PRRT3: variants seen among roughly 807,000 people sequenced by gnomAD.
PRRT3 encodes the protein proline-rich transmembrane protein 3.
Under a neutral mutation model 56.6 loss-of-function variants are expected in PRRT3, and 48 were observed. The observed-to-expected ratio is 0.85, with a 90% CI of 0.67 to 1.08. PRRT3 has a LOEUF of 1.08. Among genes scored for constraint, PRRT3 ranks in the 50% least tolerant of loss-of-function variants. The probability of loss-of-function intolerance (pLI) is 0.00; values close to 1 mark genes in which losing one functional copy is unlikely to be tolerated. For synonymous variants in PRRT3, 641 were observed against 619.1 expected, an observed-to-expected ratio of 1.04 and a Z score of -0.52; for missense variants, 1,370 against 1,353.1, an observed-to-expected ratio of 1.01 and a Z score of -0.20.
intron 3 of PRRT3, chr3:9,948,496 T>G: frequency 5.9e-6 from 3 of 509,536 alleles, no homozygotes; most frequent in East Asian, 6.6e-5. Flanking sequence ...CCAACTAATT[T>G]TTATATATTT....
Position 9,947,178 on chromosome 3 carries a change from T to C in PRRT3, c.1995A>G (p.Pro665=). 6.5e-7 allele frequency: 1 copy of C among 1,531,734 alleles called. No individual in the cohort carries two copies. Among genetic ancestry groups the C allele is most frequent in the Non-Finnish European group, 8.7e-7 (1 of 1,145,088 alleles). The allele number at this position is 1,531,734 out of a possible 1,614,324, so 94.9% of individuals were successfully genotyped here. ...LAAALWLYPG[P]GRVGRFSWAW... is the part of the protein sequence containing the mutation. ...CCCACGAGAAGCGGCCCACGCGGCC[T>C]GGGCCCGGGTACAGCCAGAGCGCAG... Residue 665 remains proline, a synonymous_variant, in exon 4 of 4, where the codon CCA becomes CCG. Coordinates refer to ENST00000412055, the MANE Select transcript of PRRT3 (RefSeq NM_207351.5). The surrounding 1 kb of genome is among the most constrained non-coding windows in gnomAD (Gnocchi z 9.2).
rs1475834917 is a variant in PRRT3 at position 9,947,191 on chromosome 3, A to G, written c.1982T>C (p.Leu661Pro). Residue 661 changes from leucine (L) to proline (P), a missense_variant, in exon 4 of 4, where the codon CTG (leucine) becomes CCG (proline). Transcript: ENST00000412055. The surrounding 1 kb of genome is among the most constrained non-coding windows in gnomAD (Gnocchi z 9.2). ...GCCCACGCGGCCTGGGCCCGGGTAC[A>G]GCCAGAGCGCAGCCGCCAGCTGCAA... Reference protein sequence around the residue: ...SGLQLAAALWLYPGPGRVGRF... With the variant: ...SGLQLAAALWPYPGPGRVGRF... 1 of 1,528,198 alleles carries G rather than the reference A, an allele frequency of 6.5e-7. No homozygotes were observed. 94.7% of individuals were successfully genotyped at this position (1,528,198 alleles called of 1,614,324 possible). A position where few individuals can be genotyped will look rare whatever the true frequency, so the allele number is the denominator to read the frequency against.
Position 9,947,709 on chromosome 3 carries a change from C to T in PRRT3, c.1464G>A (p.Leu488=). ...GGGCGGCTGCCAGCGCAGCCAGCGC[C>T]AACAACGCGGGCAGCAGAAAGAGTA... The part of the protein sequence containing the change: ...VGVLFLLPAL[L]ALAALAAAPA... The change falls in exon 4 of 4, where the codon TTG becomes TTA. Residue 488 remains leucine (L), a synonymous_variant. Transcript: ENST00000412055. The surrounding 1 kb of genome is among the most constrained non-coding windows in gnomAD (Gnocchi z 9.2). 6.4e-7 allele frequency: 1 copy of T among 1,568,764 alleles called. No homozygotes were observed. The highest frequency in any genetic ancestry group is 8.6e-7 in the Non-Finnish European group (1 of 1,160,740).
At position 9,949,181 on chromosome 3, in the gene PRRT3, A is replaced by T; in HGVS notation, c.935T>A (p.Leu312His). ...TCCTGGTGAATCCTTAGCGTCAGGA[A>T]GGTCAGCCTGCTTGGGCGGGGGACC... ...SPGPPPKQAD[L>H]PDAKDSPGPQ... is the part of the protein sequence containing the mutation. Residue 312 changes from leucine to histidine, a missense_variant, in exon 2 of 4, where the codon CTT (leucine) becomes CAT (histidine). Physicochemically the swap from Leu to His is moderately conservative, Grantham distance 99. Coordinates refer to ENST00000412055, the MANE Select transcript of PRRT3 (RefSeq NM_207351.5). The surrounding 1 kb of genome is among the most constrained non-coding windows in gnomAD (Gnocchi z 4.5). The T allele has an allele frequency of 6.2e-7, 1 of 1,612,286 alleles. No homozygotes were observed. The highest frequency in any genetic ancestry group is 8.5e-7 in the Non-Finnish European group (1 of 1,179,394).
rs183196773 is a variant in PRRT3 at position 9,949,144 on chromosome 3, C to T, written c.972G>A (p.Thr324=). ...CAGGAGCCTCTGAGGCGGGTGGATC[C>T]GTGGGCTGGGGTCCTGGTGAATCCT... The part of the protein sequence containing the change: ...DAKDSPGPQP[T]DPPASEAPDR... The change falls in exon 2 of 4, where the codon ACG becomes ACA. Residue 324 remains threonine, a synonymous_variant. Coordinates refer to ENST00000412055, the MANE Select transcript of PRRT3 (RefSeq NM_207351.5). The surrounding 1 kb of genome is among the most constrained non-coding windows in gnomAD (Gnocchi z 4.5). The T allele has an allele frequency of 1.8e-4, 286 of 1,611,464 alleles. 1 individual carries two copies. Among genetic ancestry groups the T allele is most frequent in the East Asian group, 1.2e-3 (54 of 44,880 alleles).
At position 9,951,435 on chromosome 3, in the gene PRRT3, A is replaced by G. The variant is rs937081847; in HGVS notation, c.-58+887T>C. 2.0e-5 allele frequency among the ~76,000 whole-genome samples: 3 copies of G among 152,324 alleles called. No individual in the cohort carries two copies. The South Asian group carries it at 6.2e-4, about 32-fold the overall frequency. ...TGGTGCTCTCCCGGGGAAAAGACCC[A>G]GGCTCACCGAAAGTTGTGAACAATT... On this transcript the variant is annotated intron_variant, in intron 1 of 3. Transcript: ENST00000412055.
In PRRT3 at chr3:9,945,912, G is replaced by A; in HGVS notation, c.*315C>T. 1 of 184,546 alleles carries A rather than the reference G, an allele frequency of 5.4e-6. No homozygotes were observed. The highest frequency in any genetic ancestry group is 1.1e-5 in the Non-Finnish European group (1 of 94,922). The allele number at this position is 184,546 out of a possible 1,614,324, so 11.4% of individuals were successfully genotyped here. A position where few individuals can be genotyped will look rare whatever the true frequency, so the allele number is the denominator to read the frequency against. ...TGCAATGGCGTGGTCTCGGCTCACT[G>A]CAACCTCTGCCTCCCTGTTCAAGCA... On this transcript the variant is annotated 3_prime_UTR_variant, in exon 4 of 4. Coordinates refer to ENST00000412055, the MANE Select transcript of PRRT3 (RefSeq NM_207351.5).
In PRRT3 at chr3:9,946,790, GT is replaced by G; in HGVS notation, c.2382del (p.Pro795ArgfsTer5). Reference protein sequence around the residue: ...GGPGLSRNGVGPAPSLSELDL... With the variant: ...GGPGLSRNGVXPAPSLSELDL... ...TCCAGCTCGCTCAGCGATGGCGCCG[GT>G]CCCACACCGTTGCGGGACAGTCCCG... is the stretch of plus-strand genomic sequence containing the variant. On this transcript the variant is annotated frameshift_variant, in exon 4 of 4. Coordinates refer to ENST00000412055, the MANE Select transcript of PRRT3 (RefSeq NM_207351.5). LOFTEE classifies it high-confidence loss of function. This position sits in a 1 kb window ranked among gnomAD's most constrained non-coding sequence, Gnocchi z 4.1. 1 of 1,552,950 alleles carries G rather than the reference GT, an allele frequency of 6.4e-7. No individual in the cohort carries two copies. Among genetic ancestry groups the G allele is most frequent in the Non-Finnish European group, 8.6e-7 (1 of 1,157,354 alleles).
chr3:9,947,874 A>C lies in PRRT3; in HGVS notation c.1299T>G (p.Pro433=). 1 of 1,426,294 alleles carries C rather than the reference A, an allele frequency of 7.0e-7. No individual in the cohort carries two copies. Among genetic ancestry groups the C allele is most frequent in the Non-Finnish European group, 9.2e-7 (1 of 1,090,286 alleles). 88.4% of individuals were successfully genotyped at this position (1,426,294 alleles called of 1,614,324 possible). ...CCATGGAGCTGGCGGTGGGCTCCGG[A>C]GGGGGAGGCTGGCCCAGGGCTCGCT... is the stretch of plus-strand genomic sequence containing the variant. ...TTQRALGQPP[P]PEPTASSMAS... The change falls in exon 4 of 4, where the codon CCT becomes CCG. Residue 433 remains proline, a synonymous_variant. Transcript: ENST00000412055. The surrounding 1 kb of genome is among the most constrained non-coding windows in gnomAD (Gnocchi z 9.2).
intron 3 of PRRT3, 131 bp downstream of exon 3, chr3:9,948,627 C>A (rs763317593): frequency 3.9e-6 from 4 of 1,032,738 alleles, no homozygotes; most frequent in South Asian, 1.4e-5. Flanking sequence ...TGAAGGAGGC[C>A]CTGGGCAACT....
rs1464730313 is a variant in PRRT3 at position 9,946,788 on chromosome 3, C to T, written c.2385G>A (p.Pro795=). 4 of 1,547,354 alleles carry T rather than the reference C, an allele frequency of 2.6e-6. No homozygotes were observed. The highest frequency in any genetic ancestry group is 1.4e-5 in the African/African-American group (1 of 73,418). The change falls in exon 4 of 4, where the codon CCG becomes CCA. Residue 795 remains proline, a synonymous_variant. Coordinates refer to ENST00000412055, the MANE Select transcript of PRRT3 (RefSeq NM_207351.5). This position sits in a 1 kb window ranked among gnomAD's most constrained non-coding sequence, Gnocchi z 4.1. ...GATCCAGCTCGCTCAGCGATGGCGC[C>T]GGTCCCACACCGTTGCGGGACAGTC... The part of the protein sequence containing the change: ...GPGLSRNGVG[P]APSLSELDLR...
chr3:9,949,123 A>G lies in PRRT3; in HGVS notation c.993T>C (p.Ala331=). Residue 331 remains alanine, a synonymous_variant, in exon 2 of 4, where the codon GCT becomes GCC. Coordinates refer to ENST00000412055, the MANE Select transcript of PRRT3 (RefSeq NM_207351.5). The surrounding 1 kb of genome is among the most constrained non-coding windows in gnomAD (Gnocchi z 4.5). Reference sequence around the variant, plus strand: ...CACCTGGCTTAGACGGCCGATCAGGAGCCTCTGAGGCGGGTGGATCCGTGG... The same window carrying G: ...CACCTGGCTTAGACGGCCGATCAGGGGCCTCTGAGGCGGGTGGATCCGTGG... The part of the protein sequence containing the change: ...PQPTDPPASE[A]PDRPSKPERA... 2 of 1,608,896 alleles carry G rather than the reference A, an allele frequency of 1.2e-6. No individual in the cohort carries two copies. Among genetic ancestry groups the G allele is most frequent in the African/African-American group, 1.3e-5 (1 of 74,640 alleles).
At position 9,946,950 on chromosome 3, in the gene PRRT3, G is replaced by C. The variant is rs1159936713; in HGVS notation, c.2223C>G (p.Ser741Arg). 4 of 1,542,472 alleles carry C rather than the reference G, an allele frequency of 2.6e-6. No homozygotes were observed. The Admixed American group carries it at 5.8e-5, about 22-fold the overall frequency. Residue 741 changes from serine to arginine, a missense_variant, in exon 4 of 4, where the codon AGC (serine) becomes AGG (arginine). Ser to Arg is a moderately radical substitution (Grantham distance 110). Transcript: ENST00000412055. This position sits in a 1 kb window ranked among gnomAD's most constrained non-coding sequence, Gnocchi z 4.1. ...TGTCCAAGCTGCCTGCACCAACGTT[G>C]CTGGGCCCTGCATAGCAGTTATTGG... ...ERPNNCYAGP[S>R]NVGAGSLDIS...
Position 9,947,863 on chromosome 3 carries a change from G to T in PRRT3, c.1310C>A (p.Thr437Asn). ...ALGQPPPPEP[T>N]ASSMASAPAS... is the part of the protein sequence containing the mutation. ...TGGGGCTGAAGCCATGGAGCTGGCG[G>T]TGGGCTCCGGAGGGGGAGGCTGGCC... Residue 437 changes from threonine to asparagine, a missense_variant, in exon 4 of 4, where the codon ACC becomes AAC. Transcript: ENST00000412055. This position sits in a 1 kb window ranked among gnomAD's most constrained non-coding sequence, Gnocchi z 9.2. 1 of 1,429,612 alleles carries T rather than the reference G, an allele frequency of 7.0e-7. No homozygotes were observed. The highest frequency in any genetic ancestry group is 1.5e-5 in the South Asian group (1 of 65,236). 88.6% of individuals were successfully genotyped at this position (1,429,612 alleles called of 1,614,324 possible).
At position 9,949,531 on chromosome 3, in the gene PRRT3, C is replaced by G. The variant is rs745649017; in HGVS notation, c.585G>C (p.Arg195Ser). 3 of 1,614,034 alleles carry G rather than the reference C, an allele frequency of 1.9e-6. No individual in the cohort carries two copies. The highest frequency in any genetic ancestry group is 1.7e-6 in the Non-Finnish European group (2 of 1,180,018). Residue 195 changes from arginine (R) to serine (S), a missense_variant, in exon 2 of 4, where the codon AGG becomes AGC. Physicochemically the swap from Arg to Ser is moderately radical, Grantham distance 110. Transcript: ENST00000412055. The surrounding 1 kb of genome is among the most constrained non-coding windows in gnomAD (Gnocchi z 4.5). ...GGTCTGAGGGAGAAGTGGGTGGGAC[C>G]CTGCTCTTAGTTTTGGCCTTCAGAC... ...DEGLKAKTKS[R>S]VPPTSPSDHQ...
In PRRT3 at chr3:9,950,333, C is replaced by T. The variant is rs556785171; in HGVS notation, c.-57-161G>A. ...CCCTGCTTTAAAACCTTCAGTGGCTCCCCATTTCCCTCAAGAAAGAACATA... is the reference window on the plus strand; with the variant it reads ...CCCTGCTTTAAAACCTTCAGTGGCTTCCCATTTCCCTCAAGAAAGAACATA... On this transcript the variant is annotated intron_variant, in intron 1 of 3. Coordinates refer to ENST00000412055, the MANE Select transcript of PRRT3 (RefSeq NM_207351.5). Among the ~76,000 whole-genome samples the T allele has an allele frequency of 2.0e-5, 3 of 152,334 alleles. No homozygotes were observed. In the East Asian group the frequency reaches 5.8e-4, roughly 29 times the overall value.
rs982502976 is a variant in PRRT3 at position 9,949,005 on chromosome 3, A to C, written c.1016-92T>G. The C allele has an allele frequency of 6.6e-7, 1 of 1,514,368 alleles. No homozygotes were observed. The highest frequency in any genetic ancestry group is 2.3e-5 in the East Asian group (1 of 44,062). The allele number at this position is 1,514,368 out of a possible 1,614,324, so 93.8% of individuals were successfully genotyped here. A position where few individuals can be genotyped will look rare whatever the true frequency, so the allele number is the denominator to read the frequency against. On this transcript the variant is annotated intron_variant, in intron 2 of 3. Coordinates refer to ENST00000412055, the MANE Select transcript of PRRT3 (RefSeq NM_207351.5). This position sits in a 1 kb window ranked among gnomAD's most constrained non-coding sequence, Gnocchi z 4.5. ...AGTCACAATCAACCTCATTTGCCAC[A>C]AAGAGGAAAATGAGACCTAGAGGGA...
Position 9,947,616 on chromosome 3 carries a change from G to T in PRRT3, c.1557C>A (p.Ala519=), listed in dbSNP as rs768311066. Residue 519 remains alanine (A), a synonymous_variant, in exon 4 of 4, where the codon GCC becomes GCA. Transcript: ENST00000412055. The surrounding 1 kb of genome is among the most constrained non-coding windows in gnomAD (Gnocchi z 9.2). ...LVLVASALRS[A]YMLTDPYGSQ... The stretch of plus-strand genomic sequence containing the variant: ...AGCCGTAAGGGTCGGTAAGCATGTA[G>T]GCGGATCGCAGCGCCGAAGCCACGA... The T allele has an allele frequency of 6.3e-6, 10 of 1,591,038 alleles. No homozygotes were observed. The Admixed American group carries it at 1.7e-4, about 28-fold the overall frequency.
intron 2 of PRRT3, 66 bp from the exon 3 acceptor site, chr3:9,948,979 G>A: frequency 1.3e-6 from 2 of 1,519,996 alleles, no homozygotes; most frequent in South Asian, 2.6e-5. Flanking sequence ...CCTCAGGATT[G>A]AGTCACAATC....
Sources: gnomAD v4.1 joint callset for allele counts (sites outside exome capture counted in the v4.1 genomes callset) on GRCh38, gnomAD v4.1.1 for gene constraint, Gnocchi (gnomAD v3.1) non-coding constraint, MANE v1.5 for transcripts, NCBI Gene and HGNC (gene_info 2026-07-23, HGNC 2026-07-21) for gene names.